NR2C1: variants seen among roughly 807,000 people sequenced by gnomAD.
NR2C1 encodes TR2 nuclear hormone receptor.
In NR2C1, 33 loss-of-function variants were observed where a neutral mutation model predicts 74.8. The ratio of observed to expected loss-of-function variants is 0.44; its 90% CI spans 0.33 to 0.59. NR2C1 has a LOEUF of 0.59. Ranked by LOEUF, NR2C1 falls within the 20% of genes least tolerant of loss-of-function variation. NR2C1 has a pLI of 0.02. For missense variants in NR2C1, 568 were observed against 715.6 expected, an observed-to-expected ratio of 0.79 and a Z score of 2.35; for synonymous variants, 225 against 240.6, an observed-to-expected ratio of 0.94 and a Z score of 0.60.
rs1872653981 is a variant in NR2C1 at position 95,049,091 on chromosome 12, T to C, written c.1108A>G (p.Ser370Gly). ...ACCCTGAAAGCTACATGTGAATCGC[T>C]GAGAAGTGGCCCCTCTTTTTCGGTG... Reference protein sequence around the residue: ...NYTEKEGPLLSDSHVAFRLTM... With the variant: ...NYTEKEGPLLGDSHVAFRLTM... The change falls in exon 9 of 14, where the codon AGC becomes GGC. Residue 370 changes from serine to glycine, a missense_variant. Ser to Gly is a moderately conservative substitution (Grantham distance 56). This residue lies in a region of NR2C1 where 239 missense variants were observed against 232.3 expected (regional missense o/e 1.03). Coordinates refer to ENST00000333003, the MANE Select transcript of NR2C1 (RefSeq NM_003297.4). 6.2e-7 allele frequency: 1 copy of C among 1,613,910 alleles called. No homozygotes were observed.
chr12:95,030,746 A>C (rs1048347322), intron 11 of NR2C1: 112 of 1,608,176 alleles, frequency 7.0e-5, no homozygotes, highest in Middle Eastern at 3.3e-4. Context: ...TGAGCTCAAA[A>C]GGCAATTTTC....
intron 10 of NR2C1, among the ~76,000 whole-genome samples, chr12:95,037,222 C>T (rs931409290): frequency 3.3e-5 from 5 of 152,154 alleles, no homozygotes; most frequent in Admixed American, 6.5e-5. Context: ...TCCACTACCC[C>T]GCAATGGAAT....
intron 9 of NR2C1, among the ~76,000 whole-genome samples, chr12:95,042,371 C>T (rs188827894): frequency 1.1e-3 from 169 of 151,882 alleles, no homozygotes; most frequent in African/African-American, 3.9e-3. Flanking sequence ...CACCAGGCCC[C>T]GCTAATTTTT....
intron 1 of NR2C1, 23 bp downstream of exon 1, chr12:95,073,357 T>G (rs547320436): frequency 1.3e-5 from 2 of 152,214 alleles, no homozygotes. Flanking sequence ...CGGTCGCTGG[T>G]GTCCCCACCC....
chr12:95,032,289 A>G (rs1221347879), intron 10 of NR2C1, among the ~76,000 whole-genome samples: 2 of 152,168 alleles, frequency 1.3e-5, no homozygotes, highest in Non-Finnish European at 2.9e-5. Context: ...TATGAATAAC[A>G]AGAGATTAGA....
chr12:95,056,339 C>T (rs1873867428), intron 7 of NR2C1, among the ~76,000 whole-genome samples: 1 of 152,168 alleles, frequency 6.6e-6, no homozygotes. Context: ...TATGAGTTTT[C>T]AGGAGAAATT....
chr12:95,056,750 C>T lies in NR2C1; in HGVS notation c.783+803G>A, dbSNP rs530480565. On this transcript the variant is annotated intron_variant, in intron 7 of 13. Coordinates refer to ENST00000333003, the MANE Select transcript of NR2C1 (RefSeq NM_003297.4). Reference sequence around the variant, plus strand: ...AAGGCGGGTGGATCACGAGGTCAGGCGATCGAGACCATCCTGGCTAACAAG... The same window carrying T: ...AAGGCGGGTGGATCACGAGGTCAGGTGATCGAGACCATCCTGGCTAACAAG... Among the ~76,000 whole-genome samples, 40 of 152,118 alleles carry T rather than the reference C, an allele frequency of 2.6e-4. No homozygotes were observed. The South Asian group carries it at 5.6e-3, about 21-fold the overall frequency.
chr12:95,071,740 T>C (rs1286338828), intron 1 of NR2C1, among the ~76,000 whole-genome samples: 1 of 150,554 alleles, frequency 6.6e-6, no homozygotes, highest in East Asian at 2.0e-4. Flanking sequence ...CAACATTTCA[T>C]AAAACCCACT....
At chr12:95,043,543 G>C (rs560512343) in intron 9 of NR2C1, among the ~76,000 whole-genome samples, 128 of 151,670 alleles carry the variant, frequency 8.4e-4, no homozygotes, top group Non-Finnish European at 1.4e-3. Flanking sequence ...CAAAAAATTA[G>C]CCGGGCATGG....
chr12:95,070,752 A>G (rs1202062144), intron 1 of NR2C1, among the ~76,000 whole-genome samples: 1 of 152,190 alleles, frequency 6.6e-6, no homozygotes, highest in Non-Finnish European at 1.5e-5. Flanking sequence ...CACTGTGAAC[A>G]CCACAATGGA....
chr12:95,055,228 G>A (rs190229005), intron 7 of NR2C1, among the ~76,000 whole-genome samples: 1 of 152,278 alleles, frequency 6.6e-6, no homozygotes, highest in African/African-American at 2.4e-5. Context: ...CTTACCATAC[G>A]GTTGTCATAA....
chr12:95,030,516 T>C lies in NR2C1; in HGVS notation c.1393+833A>G, dbSNP rs1592726959. On this transcript the variant is annotated intron_variant, in intron 11 of 13. Transcript: ENST00000333003. The stretch of plus-strand genomic sequence containing the variant: ...TTCCTGAAGGTAGGCTTTATAACCA[T>C]TACAGGCATATAAGACATGAACCAG... 1.0e-4 allele frequency: 164 copies of C among 1,599,788 alleles called. 1 individual carries two copies. The South Asian group carries it at 1.8e-3, about 18-fold the overall frequency.
chr12:95,036,837 T>G (rs1295954005), intron 10 of NR2C1, among the ~76,000 whole-genome samples: 1 of 152,182 alleles, frequency 6.6e-6, no homozygotes, highest in Non-Finnish European at 1.5e-5. Context: ...ATTATAGGAC[T>G]CACAATTAGA....
intron 9 of NR2C1, among the ~76,000 whole-genome samples, chr12:95,044,318 A>AG (rs1872010950): frequency 6.6e-6 from 1 of 151,264 alleles, no homozygotes; most frequent in African/African-American, 2.4e-5. Flanking sequence ...CCCAGGCTGC[A>AG]GTGCAGTGGT....
chr12:95,024,992 G>A (rs911628070), intron 13 of NR2C1, among the ~76,000 whole-genome samples, 158 bp downstream of exon 13: 5 of 152,140 alleles, frequency 3.3e-5, no homozygotes, highest in Admixed American at 6.6e-5. Flanking sequence ...TTTATGTAAC[G>A]TACTTGCAAC....
Position 95,062,350 on chromosome 12 carries a change from T to C in NR2C1, c.285+158A>G, listed in dbSNP as rs540680339. Among the ~76,000 whole-genome samples, 3 of 152,312 alleles carry C rather than the reference T, an allele frequency of 2.0e-5. 1 individual carries two copies. The South Asian group carries it at 6.2e-4, about 32-fold the overall frequency. ...AGTGTGAGGAAAGTACAGTGGCCCA[T>C]AGGAGAGGGCTGTCACTGTAGATAC... On this transcript the variant is annotated intron_variant, in intron 3 of 13. Transcript: ENST00000333003.
intron 7 of NR2C1, among the ~76,000 whole-genome samples, chr12:95,053,766 C>T (rs1873406614): frequency 6.8e-6 from 1 of 146,410 alleles, no homozygotes; most frequent in African/African-American, 2.6e-5. Context: ...TCGCTGCAAG[C>T]TCCACCTCCT....
chr12:95,071,237 T>C (rs1425055330), intron 1 of NR2C1, among the ~76,000 whole-genome samples: 10 of 152,068 alleles, frequency 6.6e-5, no homozygotes, highest in Non-Finnish European at 1.3e-4. Flanking sequence ...TCAAATAGTT[T>C]TTTACCCAGT....
intron 11 of NR2C1, among the ~76,000 whole-genome samples, chr12:95,029,590 C>T (rs1466362416): frequency 6.9e-6 from 1 of 145,274 alleles, no homozygotes; most frequent in Non-Finnish European, 1.5e-5. Context: ...TGGAGTCTCG[C>T]TCTGTCGCCC....
Sources: gnomAD v4.1 joint callset for allele counts (sites outside exome capture counted in the v4.1 genomes callset) on GRCh38, gnomAD v4.1.1 for gene constraint, gnomAD v4.1.1 regional missense constraint, MANE v1.5 for transcripts, NCBI Gene and HGNC (gene_info 2026-07-23, HGNC 2026-07-21) for gene names.